Variants in SLA2 observed in about 807,000 individuals in gnomAD.
SLA2 encodes Src like adaptor 2.
SLA2 carries 22 observed loss-of-function variants against 27.3 expected under a neutral mutation model. The observed-to-expected ratio is 0.81, with a 90% CI of 0.58 to 1.15. The LOEUF (loss-of-function observed/expected upper bound fraction) is 1.15, where lower values mean the gene tolerates loss of function less well. Ranked by LOEUF, SLA2 falls within the 50% of genes most tolerant of loss-of-function variation. SLA2 has a pLI of 0.00. For missense variants in SLA2, 304 were observed against 322.2 expected (o/e 0.94, Z 0.43); for synonymous variants, 131 against 137.8 (o/e 0.95, Z 0.34).
At chr20:36,617,553 A>C (rs2039228381) in intron 5 of SLA2, among the ~76,000 whole-genome samples, 1 of 151,340 alleles carries the variant, frequency 6.6e-6, no homozygotes, top group African/African-American at 2.4e-5. Context: ...AAAAAAAAAA[A>C]AAAATTAAAA....
At chr20:36,629,555 T>A (rs977731839) in intron 5 of SLA2, among the ~76,000 whole-genome samples, 1 of 151,034 alleles carries the variant, frequency 6.6e-6, no homozygotes, top group Admixed American at 6.6e-5. Flanking sequence ...GGGTGGATCA[T>A]CTGAGGTCAG....
In SLA2 at chr20:36,626,713, A is replaced by G. The variant is rs1474936766; in HGVS notation, c.382+5882T>C. 2.0e-5 allele frequency among the ~76,000 whole-genome samples: 3 copies of G among 151,828 alleles called. No homozygotes were observed. In the East Asian group the frequency reaches 5.8e-4, roughly 30 times the overall value. On this transcript the variant is annotated intron_variant, in intron 5 of 7. Coordinates refer to ENST00000262866, the MANE Select transcript of SLA2 (RefSeq NM_032214.4). The stretch of plus-strand genomic sequence containing the variant: ...CAAAAAATTAGCCGGGTGTGGTGGC[A>G]GCCGCCTGTGGTCCCAGCTACTCGG...
At chr20:36,639,301 C>A (rs1006951375) in intron 2 of SLA2, among the ~76,000 whole-genome samples, 2 of 152,100 alleles carry the variant, frequency 1.3e-5, no homozygotes, top group African/African-American at 4.8e-5. Flanking sequence ...CTCAGGACTG[C>A]AGCATCAGCT....
intron 5 of SLA2, among the ~76,000 whole-genome samples, chr20:36,622,641 G>A (rs1316064010): frequency 1.3e-5 from 2 of 152,084 alleles, no homozygotes; most frequent in Non-Finnish European, 2.9e-5. Flanking sequence ...AGACTCTAGA[G>A]AAGAAATCCA....
chr20:36,619,641 T>C (rs2039258430), intron 5 of SLA2, among the ~76,000 whole-genome samples: 1 of 150,960 alleles, frequency 6.6e-6, no homozygotes. Context: ...TTTCTTTTTT[T>C]TTTTTTTGAG....
In SLA2 at chr20:36,613,986, G is replaced by T. The variant is rs766853567; in HGVS notation, c.666C>A (p.Ser222Arg). 9 of 1,613,762 alleles carry T rather than the reference G, an allele frequency of 5.6e-6. No homozygotes were observed. Among genetic ancestry groups the T allele is most frequent in the East Asian group, 2.2e-5 (1 of 44,892 alleles). ...RTPLNWKELDSSLLFSEAATG... is the reference protein window; with the variant it reads ...RTPLNWKELDRSLLFSEAATG... Reference sequence around the variant, plus strand: ...TGGCAGCTTCAGAAAACAGGAGGGAGCTGTGGACAAAGGAAGATAATTGGG... The same window carrying T: ...TGGCAGCTTCAGAAAACAGGAGGGATCTGTGGACAAAGGAAGATAATTGGG... The change falls in exon 8 of 8, where the codon AGC (serine) becomes AGA (arginine). Residue 222 changes from serine (S) to arginine (R), a missense_variant and splice_region_variant. Transcript: ENST00000262866.
intron 5 of SLA2, among the ~76,000 whole-genome samples, chr20:36,622,209 T>TAA: frequency 7.8e-6 from 1 of 127,700 alleles, no homozygotes; most frequent in African/African-American, 3.4e-5. Context: ...AGACTTGATC[T>TAA]CAAAAAAAAA....
chr20:36,636,611 G>GAAAAA lies in SLA2; in HGVS notation c.92-2027_92-2023dup, dbSNP rs1185102769. Among the ~76,000 whole-genome samples, 144 of 73,962 alleles carry GAAAAA rather than the reference G, an allele frequency of 1.9e-3. 1 individual carries two copies. Among genetic ancestry groups the GAAAAA allele is most frequent in the African/African-American group, 4.9e-3 (94 of 19,348 alleles). The allele number at this position is 73,962 out of a possible 152,430, so 48.5% of individuals were successfully genotyped here. The stretch of plus-strand genomic sequence containing the variant: ...CAAGAGCTAAACTCCATCTCAAAAA[G>GAAAAA]AAAAAAAAAAAAATATATATATATA... On this transcript the variant is annotated intron_variant, in intron 2 of 7. Coordinates refer to ENST00000262866, the MANE Select transcript of SLA2 (RefSeq NM_032214.4).
chr20:36,635,988 T>C (rs1378034588), intron 2 of SLA2, among the ~76,000 whole-genome samples: 4 of 152,124 alleles, frequency 2.6e-5, no homozygotes, highest in Non-Finnish European at 5.9e-5. Flanking sequence ...GCCACCAAAA[T>C]CCAAGTTCTA....
chr20:36,636,708 A>G (rs968062176), intron 2 of SLA2, among the ~76,000 whole-genome samples: 62 of 149,494 alleles, frequency 4.1e-4, no homozygotes, highest in Non-Finnish European at 8.1e-4. Context: ...AACACTTTGG[A>G]AGGCCAAGGC....
In SLA2 at chr20:36,614,399, A is replaced by G. The variant is rs2039181857; in HGVS notation, c.571T>C (p.Cys191Arg). 1 of 1,613,232 alleles carries G rather than the reference A, an allele frequency of 6.2e-7. No individual in the cohort carries two copies. The highest frequency in any genetic ancestry group is 8.5e-7 in the Non-Finnish European group (1 of 1,179,618). Residue 191 changes from cysteine to arginine, a missense_variant, in exon 7 of 8, where the codon TGT becomes CGT. Physicochemically the swap from Cys to Arg is radical, Grantham distance 180. Coordinates refer to ENST00000262866, the MANE Select transcript of SLA2 (RefSeq NM_032214.4). ...AGCGGGCCAGCCCTCTGCAGGACAC[A>G]GGGCTCCTTGAGTAGGCAGCAGATG... ...DDICCLLKEPCVLQRAGPLPG... is the reference protein window; with the variant it reads ...DDICCLLKEPRVLQRAGPLPG...
At chr20:36,633,657 T>C in intron 3 of SLA2, 28 bp from the exon 4 acceptor site, 1 of 1,588,504 alleles carries the variant, frequency 6.3e-7, no homozygotes, top group South Asian at 1.1e-5. Flanking sequence ...TGGGGGCACC[T>C]CTTTCAGATG....
At chr20:36,645,286 G>A (rs1978287076) in intron 1 of SLA2, among the ~76,000 whole-genome samples, 1 of 150,586 alleles carries the variant, frequency 6.6e-6, no homozygotes, top group Non-Finnish European at 1.5e-5. Flanking sequence ...AGGATCACTT[G>A]AGCCCAGTGG....
chr20:36,634,266 G>C (rs1198178918), intron 3 of SLA2, among the ~76,000 whole-genome samples: 1 of 152,088 alleles, frequency 6.6e-6, no homozygotes, highest in Non-Finnish European at 1.5e-5. Context: ...GATTACAGGT[G>C]TGAGCTACCA....
At chr20:36,617,771 C>G (rs1176791558) in intron 5 of SLA2, among the ~76,000 whole-genome samples, 25 of 142,736 alleles carry the variant, frequency 1.8e-4, no homozygotes, top group South Asian at 1.6e-3. Context: ...GCAGGAGACT[C>G]GCTTGAACCC....
intron 1 of SLA2, among the ~76,000 whole-genome samples, chr20:36,643,082 T>G (rs1159002671): frequency 1.3e-5 from 2 of 152,218 alleles, no homozygotes; most frequent in Admixed American, 1.3e-4. Flanking sequence ...TGTAACTGCA[T>G]GAGGACAAAG....
chr20:36,623,384 C>T (rs2039305482), intron 5 of SLA2, among the ~76,000 whole-genome samples: 1 of 151,096 alleles, frequency 6.6e-6, no homozygotes, highest in Non-Finnish European at 1.5e-5. Flanking sequence ...CAGTGTTGTA[C>T]TAAAGGTCCT....
At chr20:36,631,360 G>C (rs2039392037) in intron 5 of SLA2, among the ~76,000 whole-genome samples, 1 of 152,150 alleles carries the variant, frequency 6.6e-6, no homozygotes. Flanking sequence ...CATTATGTTG[G>C]CTAGGCTGGT....
At chr20:36,628,253 A>G (rs752170473) in intron 5 of SLA2, among the ~76,000 whole-genome samples, 5 of 152,202 alleles carry the variant, frequency 3.3e-5, no homozygotes, top group Non-Finnish European at 7.3e-5. Context: ...GGGCCCCTAG[A>G]GTCACTGTGG....
Sources: gnomAD v4.1 joint callset for allele counts (sites outside exome capture counted in the v4.1 genomes callset) on GRCh38, gnomAD v4.1.1 for gene constraint, MANE v1.5 for transcripts, NCBI Gene and HGNC (gene_info 2026-07-23, HGNC 2026-07-21) for gene names.